PWWP3A: variants seen among roughly 807,000 people sequenced by gnomAD.
PWWP3A encodes PWWP domain containing 3A, DNA repair factor, also known as PWWP domain-containing DNA repair factor 3A.
A neutral mutation model predicts 79.0 loss-of-function variants in PWWP3A; 53 were observed. The ratio of observed to expected loss-of-function variants is 0.67; its 90% CI spans 0.54 to 0.84. PWWP3A has a LOEUF of 0.84. PWWP3A is among the 40% of genes least tolerant of loss of function. The pLI is 0.00. For missense variants in PWWP3A, 973 were observed against 948.0 expected, an observed-to-expected ratio of 1.03 and a Z score of -0.35; for synonymous variants, 443 against 394.4, an observed-to-expected ratio of 1.12 and a Z score of -1.46.
At chr19:1,358,201 AAAAC>A in intron 3 of PWWP3A, 189 bp from the exon 4 acceptor site, 1 of 498,366 alleles carries the variant, frequency 2.0e-6, no homozygotes. Flanking sequence ...AAAAAAAAAA[AAAAC>A]CATTCACCAG....
At chr19:1,363,444 A>C (rs1280412308) in intron 6 of PWWP3A, among the ~76,000 whole-genome samples, 2 of 152,052 alleles carry the variant, frequency 1.3e-5, no homozygotes, top group African/African-American at 4.8e-5. Context: ...TGGGGCACCC[A>C]TTGGGGACTT....
rs1000567498 is a variant in PWWP3A, at chr19:1,369,967, C to A, written c.1549+321C>A. On this transcript the variant is annotated intron_variant, in intron 11 of 13. Transcript: ENST00000591337. This position sits in a 1 kb window ranked among gnomAD's most constrained non-coding sequence, Gnocchi z 4.0. Reference sequence around the variant, plus strand: ...AATGTAGGCCAGGTGCGGAGGCTCACACCTGTAATCCCAGCACTTTGGGAG... The same window carrying A: ...AATGTAGGCCAGGTGCGGAGGCTCAAACCTGTAATCCCAGCACTTTGGGAG... Among the ~76,000 whole-genome samples the A allele has an allele frequency of 6.6e-6, 1 of 152,218 alleles. No individual in the cohort carries two copies. The highest frequency in any genetic ancestry group is 1.5e-5 in the Non-Finnish European group (1 of 68,040).
rs775367014 is a variant in PWWP3A, at chr19:1,360,288, C to G, written c.367C>G (p.Pro123Ala). The G allele has an allele frequency of 6.2e-7, 1 of 1,613,882 alleles. No homozygotes were observed. Among genetic ancestry groups the G allele is most frequent in the Non-Finnish European group, 8.5e-7 (1 of 1,179,858 alleles). The change falls in exon 5 of 14, where the codon CCC becomes GCC. Residue 123 changes from proline to alanine, a missense_variant. Pro to Ala is a conservative substitution (Grantham distance 27). Transcript: ENST00000591337. This position sits in a 1 kb window ranked among gnomAD's most constrained non-coding sequence, Gnocchi z 4.4. ...GRADRSLRGK[P>A]MEHVSSPCDS... ...AGCTGACCGGTCTCTGCGAGGGAAG[C>G]CCATGGAGCATGTCTCCTCGCCCTG...
chr19:1,366,954 CCCAG>C (rs2082142396), intron 8 of PWWP3A, among the ~76,000 whole-genome samples: 1 of 152,160 alleles, frequency 6.6e-6, no homozygotes, highest in South Asian at 2.1e-4. Flanking sequence ...CCTGGCGGGG[CCCAG>C]TCAGTGTTGC....
At chr19:1,370,552 C>T in intron 11 of PWWP3A, 90 bp from the exon 12 acceptor site, 1 of 1,216,006 alleles carries the variant, frequency 8.2e-7, no homozygotes, top group Non-Finnish European at 1.1e-6. Context: ...CCCATCCCTG[C>T]CATGTCGCAG....
Position 1,360,272 on chromosome 19 carries a change from G to A in PWWP3A, c.351G>A (p.Arg117=). The A allele has an allele frequency of 6.2e-7, 1 of 1,614,096 alleles. No homozygotes were observed. The highest frequency in any genetic ancestry group is 8.5e-7 in the Non-Finnish European group (1 of 1,179,988). Residue 117 remains arginine, a synonymous_variant, in exon 5 of 14, where the codon CGG becomes CGA. Coordinates refer to ENST00000591337, the MANE Select transcript of PWWP3A (RefSeq NM_001369789.1). The surrounding 1 kb of genome is among the most constrained non-coding windows in gnomAD (Gnocchi z 4.4). ...CTGCAGGGACAGGTAGAGCTGACCGGTCTCTGCGAGGGAAGCCCATGGAGC... is the reference window on the plus strand; with the variant it reads ...CTGCAGGGACAGGTAGAGCTGACCGATCTCTGCGAGGGAAGCCCATGGAGC... ...ESSAGTGRAD[R]SLRGKPMEHV...
At chr19:1,359,508 ACATC>A (rs1568929038) in intron 4 of PWWP3A, 1 of 151,822 alleles carries the variant, frequency 6.6e-6, no homozygotes, top group African/African-American at 2.4e-5. Flanking sequence ...TTGTGATATT[ACATC>A]CATCATCTTG....
At chr19:1,359,972 T>C (rs1030394362) in intron 4 of PWWP3A, 164 bp from the exon 5 acceptor site, 5 of 686,550 alleles carry the variant, frequency 7.3e-6, no homozygotes, top group Non-Finnish European at 6.5e-6. Flanking sequence ...TAGCCTCGTC[T>C]CCTTTTTGGG....
chr19:1,360,065 TA>T lies in PWWP3A; in HGVS notation c.215-68del. 6.9e-7 allele frequency: 1 copy of T among 1,453,060 alleles called. No homozygotes were observed. The highest frequency in any genetic ancestry group is 2.4e-5 in the East Asian group (1 of 42,104). The allele number at this position is 1,453,060 out of a possible 1,614,324, so 90.0% of individuals were successfully genotyped here. A position where few individuals can be genotyped will look rare whatever the true frequency, so the allele number is the denominator to read the frequency against. On this transcript the variant is annotated intron_variant, in intron 4 of 13. Coordinates refer to ENST00000591337, the MANE Select transcript of PWWP3A (RefSeq NM_001369789.1). This position sits in a 1 kb window ranked among gnomAD's most constrained non-coding sequence, Gnocchi z 4.4. Reference sequence around the variant, plus strand: ...CGTCAGAATGAGACAAGCGAGCTTCTAAAGCGATGCCGTGACCGCAGTGCCT... The same window carrying T: ...CGTCAGAATGAGACAAGCGAGCTTCTAAGCGATGCCGTGACCGCAGTGCCT...
intron 13 of PWWP3A, among the ~76,000 whole-genome samples, chr19:1,375,947 T>C (rs562393263): frequency 3.3e-5 from 5 of 150,154 alleles, no homozygotes; most frequent in African/African-American, 1.2e-4. Flanking sequence ...GTGGCTAGGA[T>C]TGCAGGTGCC....
Position 1,369,240 on chromosome 19 carries a change from G to A in PWWP3A, c.1423-25G>A, listed in dbSNP as rs1185034503. Reference sequence around the variant, plus strand: ...GTGCTTGGCACTGCCTCCCACTGACGCCTGCTGCCCGGATCTCATTGTAGA... The same window carrying A: ...GTGCTTGGCACTGCCTCCCACTGACACCTGCTGCCCGGATCTCATTGTAGA... On this transcript the variant is annotated intron_variant, in intron 9 of 13. Coordinates refer to ENST00000591337, the MANE Select transcript of PWWP3A (RefSeq NM_001369789.1). This position sits in a 1 kb window ranked among gnomAD's most constrained non-coding sequence, Gnocchi z 4.0. 2.5e-6 allele frequency: 4 copies of A among 1,612,992 alleles called. No homozygotes were observed. The highest frequency in any genetic ancestry group is 3.4e-6 in the Non-Finnish European group (4 of 1,179,306).
chr19:1,373,193 T>TG, intron 13 of PWWP3A, 33 bp downstream of exon 13: 3 of 1,586,044 alleles, frequency 1.9e-6, no homozygotes, highest in Non-Finnish European at 2.6e-6. Context: ...TCCAGCCACT[T>TG]GCGTCTCTGC....
chr19:1,361,982 G>A (rs1375980624), intron 5 of PWWP3A: 3 of 329,972 alleles, frequency 9.1e-6, no homozygotes, highest in South Asian at 3.7e-5. Context: ...TTCTGTGGCC[G>A]AGGTGGCTGC....
At chr19:1,357,764 A>G (rs1451540856) in intron 3 of PWWP3A, 3 of 151,578 alleles carry the variant, frequency 2.0e-5, no homozygotes, top group Non-Finnish European at 4.4e-5. Flanking sequence ...CGCCCCGGTC[A>G]GTCCTGCGTG....
At chr19:1,376,123 T>A (rs940100928) in intron 13 of PWWP3A, among the ~76,000 whole-genome samples, 2 of 107,402 alleles carry the variant, frequency 1.9e-5, no homozygotes, top group African/African-American at 1.0e-4. Context: ...TGTCATACTC[T>A]TTTTTTTTTT....
intron 12 of PWWP3A, 127 bp from the exon 13 acceptor site, chr19:1,372,945 C>A (rs1214835027): frequency 2.9e-6 from 2 of 689,956 alleles, no homozygotes; most frequent in Non-Finnish European, 2.5e-6. Context: ...CCTTCTGAAC[C>A]ATGAGCTAGA....
intron 3 of PWWP3A, 33 bp from the exon 4 acceptor site, chr19:1,358,361 T>C (rs2081930973): frequency 1.3e-6 from 2 of 1,582,678 alleles, no homozygotes; most frequent in African/African-American, 2.7e-5. Context: ...CGGCGTTGGC[T>C]GGTGGTGTGT....
At position 1,358,457 on chromosome 19, in the gene PWWP3A, C is replaced by T. The variant is rs1276410330; in HGVS notation, c.207C>T (p.Ser69=). ...AGTCTCAAATTGAAGCCATTGCTTC[C>T]TCGTTAGGTAAGAGCGTATTTTTAA... is the stretch of plus-strand genomic sequence containing the variant. ...LEKSQIEAIA[S]SLASQNEVPA... is the part of the protein sequence containing the mutation. Residue 69 remains serine, a synonymous_variant, in exon 4 of 14, where the codon TCC becomes TCT. Transcript: ENST00000591337. The T allele has an allele frequency of 6.2e-7, 1 of 1,613,934 alleles. No homozygotes were observed. The highest frequency in any genetic ancestry group is 1.1e-5 in the South Asian group (1 of 91,062).
chr19:1,362,708 G>A (rs56017423), intron 6 of PWWP3A, among the ~76,000 whole-genome samples: 16,353 of 152,308 alleles, frequency 0.11, 941 homozygotes, highest in Admixed American at 0.18. Flanking sequence ...GTGTGGCCAC[G>A]TACTGTCTCG....
Sources: gnomAD v4.1 joint callset for allele counts (sites outside exome capture counted in the v4.1 genomes callset) on GRCh38, gnomAD v4.1.1 for gene constraint, Gnocchi (gnomAD v3.1) non-coding constraint, MANE v1.5 for transcripts, NCBI Gene and HGNC (gene_info 2026-07-23, HGNC 2026-07-21) for gene names.